Variants in PDSS2 observed in about 807,000 individuals in gnomAD.
PDSS2 encodes the protein decaprenyl diphosphate synthase subunit 2.
A neutral mutation model predicts 44.5 loss-of-function variants in PDSS2; 31 were observed. The ratio of observed to expected loss-of-function variants is 0.70; its 90% CI spans 0.52 to 0.94. PDSS2 has a LOEUF of 0.94. PDSS2 is among the 40% of genes least tolerant of loss of function. The pLI is 0.00. For synonymous variants in PDSS2, 157 were observed against 180.3 expected (o/e 0.87, Z 1.03); for missense variants, 452 against 482.2 (o/e 0.94, Z 0.59).
chr6:107,250,478 T>C (rs1003639586), intron 3 of PDSS2, among the ~76,000 whole-genome samples: 2 of 152,206 alleles, frequency 1.3e-5, no homozygotes, highest in African/African-American at 4.8e-5. Context: ...ATATAATGCA[T>C]TACACTATTT....
intron 7 of PDSS2, among the ~76,000 whole-genome samples, chr6:107,191,719 T>G (rs1173110531): frequency 6.6e-6 from 1 of 152,102 alleles, no homozygotes; most frequent in African/African-American, 2.4e-5. Flanking sequence ...TAAGCAATCC[T>G]CCCATCTCAG....
At chr6:107,317,482 T>C (rs1271662070) in intron 2 of PDSS2, among the ~76,000 whole-genome samples, 1 of 152,160 alleles carries the variant, frequency 6.6e-6, no homozygotes, top group Non-Finnish European at 1.5e-5. Context: ...TTCTTCTGTA[T>C]GTGATGAGCC....
At chr6:107,285,464 A>G (rs1381198155) in intron 2 of PDSS2, among the ~76,000 whole-genome samples, 1 of 152,038 alleles carries the variant, frequency 6.6e-6, no homozygotes, top group East Asian at 1.9e-4. Flanking sequence ...GGGGAACATA[A>G]TAAGACCCCA....
chr6:107,263,133 T>C (rs1775298532), intron 3 of PDSS2, among the ~76,000 whole-genome samples: 1 of 151,702 alleles, frequency 6.6e-6, no homozygotes, highest in African/African-American at 2.4e-5. Flanking sequence ...TATTGTAGAA[T>C]GCAGATTTTT....
At chr6:107,431,417 T>A (rs900144050) in intron 1 of PDSS2, among the ~76,000 whole-genome samples, 4 of 152,100 alleles carry the variant, frequency 2.6e-5, no homozygotes, top group Non-Finnish European at 4.4e-5. Flanking sequence ...GCCCGGCTAA[T>A]TTTTGTATTT....
intron 1 of PDSS2, among the ~76,000 whole-genome samples, chr6:107,355,001 C>T (rs963635577): frequency 5.3e-5 from 8 of 151,646 alleles, no homozygotes; most frequent in Non-Finnish European, 8.8e-5. Context: ...GGCATGATTT[C>T]GGCTCACTGC....
intron 1 of PDSS2, among the ~76,000 whole-genome samples, chr6:107,457,079 G>A (rs1399514159): frequency 2.0e-5 from 3 of 152,102 alleles, no homozygotes; most frequent in African/African-American, 7.2e-5. Context: ...TGACATTCCT[G>A]ATAACTGGGA....
intron 1 of PDSS2, among the ~76,000 whole-genome samples, chr6:107,406,931 T>C (rs979501257): frequency 6.6e-6 from 1 of 152,126 alleles, no homozygotes; most frequent in Non-Finnish European, 1.5e-5. Context: ...CAGGGGAGAT[T>C]AGAAAGGAAG....
intron 5 of PDSS2, among the ~76,000 whole-genome samples, chr6:107,211,502 C>T (rs187380042): frequency 8.6e-4 from 130 of 151,914 alleles, no homozygotes; most frequent in East Asian, 8.1e-3. Context: ...GAGGCCAAGG[C>T]GGGCAGATCA....
intron 1 of PDSS2, among the ~76,000 whole-genome samples, chr6:107,409,926 A>G (rs1780436672): frequency 6.6e-6 from 1 of 152,220 alleles, no homozygotes; most frequent in Admixed American, 6.5e-5. Flanking sequence ...CCGGGGAGGC[A>G]TCTCTGTGGA....
At chr6:107,259,243 G>A (rs1216194894) in intron 3 of PDSS2, among the ~76,000 whole-genome samples, 3 of 152,130 alleles carry the variant, frequency 2.0e-5, no homozygotes, top group African/African-American at 7.2e-5. Context: ...TGATAAAAAT[G>A]GGGAATTAAG....
chr6:107,395,515 TC>T (rs1157345737), intron 1 of PDSS2, among the ~76,000 whole-genome samples: 1 of 152,170 alleles, frequency 6.6e-6, no homozygotes, highest in Non-Finnish European at 1.5e-5. Context: ...ATATAATTGA[TC>T]TTTTCTTCTG....
At chr6:107,296,285 AC>A (rs199947541) in intron 2 of PDSS2, among the ~76,000 whole-genome samples, 2,510 of 152,320 alleles carry the variant, frequency 0.016, 55 homozygotes, top group African/African-American at 0.046. Context: ...CATGTGTACT[AC>A]GTGTATGACA....
rs137902631 is a variant in PDSS2, at chr6:107,431,843, A to G, written c.296+27147T>C. Among the ~76,000 whole-genome samples the G allele has an allele frequency of 4.9e-3, 747 of 152,332 alleles. 6 individuals are homozygous for G. Among genetic ancestry groups the G allele is most frequent in the African/African-American group, 0.017 (718 of 41,574 alleles). ...CTCATTACAATCCTGTGAGACAGCA[A>G]TGACAACAATATGACCTCTTTTACA... On this transcript the variant is annotated intron_variant, in intron 1 of 7. Transcript: ENST00000369037.
chr6:107,291,573 C>G (rs1329423549), intron 2 of PDSS2, among the ~76,000 whole-genome samples: 1 of 150,344 alleles, frequency 6.7e-6, no homozygotes, highest in Admixed American at 6.7e-5. Context: ...ACTATGTTGC[C>G]CAGGCTGGTC....
Position 107,221,320 on chromosome 6 carries a change from C to A in PDSS2, c.703-9038G>T, listed in dbSNP as rs1435994725. Among the ~76,000 whole-genome samples the A allele has an allele frequency of 2.6e-5, 3 of 117,006 alleles. No homozygotes were observed. The Admixed American group carries it at 3.7e-4, about 14-fold the overall frequency. The allele number at this position is 117,006 out of a possible 152,430, so 76.8% of individuals were successfully genotyped here. The stretch of plus-strand genomic sequence containing the variant: ...CCGCACCATGGCACTCCAGCCTGGG[C>A]GACAGAGTGAGACTCCGTCTCGAAA... On this transcript the variant is annotated intron_variant, in intron 4 of 7. Transcript: ENST00000369037.
chr6:107,325,063 G>A (rs1327415736), intron 2 of PDSS2, among the ~76,000 whole-genome samples: 3 of 151,800 alleles, frequency 2.0e-5, no homozygotes, highest in Non-Finnish European at 2.9e-5. Flanking sequence ...AAAAAAAAAC[G>A]GCCTCTTTCA....
chr6:107,185,179 AGAG>A (rs920522382), intron 7 of PDSS2, among the ~76,000 whole-genome samples: 15 of 151,872 alleles, frequency 9.9e-5, no homozygotes, highest in African/African-American at 3.6e-4. Context: ...GAGAAGAAGA[AGAG>A]AAGAAGAAAG....
Position 107,338,892 on chromosome 6 carries a change from A to T in PDSS2, c.297-4560T>A, listed in dbSNP as rs112023865. Among the ~76,000 whole-genome samples, 350 of 150,658 alleles carry T rather than the reference A, an allele frequency of 2.3e-3. 4 individuals are homozygous for T. Among genetic ancestry groups the T allele is most frequent in the African/African-American group, 8.2e-3 (337 of 41,052 alleles). On this transcript the variant is annotated intron_variant, in intron 1 of 7. Coordinates refer to ENST00000369037, the MANE Select transcript of PDSS2 (RefSeq NM_020381.4). Reference sequence around the variant, plus strand: ...GAGGAGATAGATCTAGTAAGTATTAATTTTTTTTTTCTTTTAGAGACAGGG... The same window carrying T: ...GAGGAGATAGATCTAGTAAGTATTATTTTTTTTTTTCTTTTAGAGACAGGG...
Sources: gnomAD v4.1 joint callset for allele counts (sites outside exome capture counted in the v4.1 genomes callset) on GRCh38, gnomAD v4.1.1 for gene constraint, MANE v1.5 for transcripts, NCBI Gene and HGNC (gene_info 2026-07-23, HGNC 2026-07-21) for gene names.